Variants in MKX observed in about 807,000 individuals in gnomAD.
MKX encodes the protein mohawk homeobox, also known as homeobox protein Mohawk.
In MKX, 13 loss-of-function variants were observed where a neutral mutation model predicts 36.0. The ratio of observed to expected loss-of-function variants is 0.36; its 90% CI spans 0.24 to 0.57. MKX has a LOEUF of 0.57. Among genes scored for constraint, MKX ranks in the 20% least tolerant of loss-of-function variants. The pLI, the probability that MKX is intolerant of heterozygous loss-of-function variation, is 0.79. For missense variants in MKX, 458 were observed against 456.4 expected (o/e 1.00, Z -0.03); for synonymous variants, 176 against 178.3 (o/e 0.99, Z 0.10).
intron 5 of MKX, among the ~76,000 whole-genome samples, chr10:27,728,708 T>C (rs1486114084): frequency 6.6e-6 from 1 of 152,234 alleles, no homozygotes; most frequent in African/African-American, 2.4e-5. Context: ...CAATGGTTTA[T>C]TGAACTCATG....
chr10:27,716,386 G>C (rs1424170149), intron 5 of MKX, among the ~76,000 whole-genome samples: 2 of 141,244 alleles, frequency 1.4e-5, no homozygotes, highest in African/African-American at 5.3e-5. Flanking sequence ...TCATGCCACT[G>C]CACTTCAGCC....
At chr10:27,694,030 T>C (rs1384378828) in intron 5 of MKX, among the ~76,000 whole-genome samples, 2 of 152,308 alleles carry the variant, frequency 1.3e-5, no homozygotes, top group East Asian at 1.9e-4. Context: ...TTTTGCCTGC[T>C]GCCATGAAAA....
chr10:27,709,079 G>A (rs1836808123), intron 5 of MKX, among the ~76,000 whole-genome samples: 1 of 151,714 alleles, frequency 6.6e-6, no homozygotes, highest in Non-Finnish European at 1.5e-5. Context: ...TGAGGCAGGA[G>A]AATCACTTGA....
At chr10:27,739,379 T>G (rs1834844827) in intron 3 of MKX, among the ~76,000 whole-genome samples, 1 of 152,124 alleles carries the variant, frequency 6.6e-6, no homozygotes, top group African/African-American at 2.4e-5. Flanking sequence ...ACAGTTGTCA[T>G]TTATTATTAT....
chr10:27,715,662 CACTT>C (rs1393713556), intron 5 of MKX, among the ~76,000 whole-genome samples: 1 of 152,148 alleles, frequency 6.6e-6, no homozygotes, highest in African/African-American at 2.4e-5. Flanking sequence ...ACATGTAGGG[CACTT>C]AGTGCAGTGC....
At chr10:27,714,182 G>A (rs764825579) in intron 5 of MKX, among the ~76,000 whole-genome samples, 1 of 152,026 alleles carries the variant, frequency 6.6e-6, no homozygotes, top group Admixed American at 6.6e-5. Context: ...ATTCACAGTC[G>A]CTTCTGCTAC....
At chr10:27,676,294 A>AGG (rs149370393) in intron 5 of MKX, among the ~76,000 whole-genome samples, 3 of 115,680 alleles carry the variant, frequency 2.6e-5, no homozygotes, top group African/African-American at 9.8e-5. Flanking sequence ...AAAATAAAAA[A>AGG]GGGGGGGGTT....
chr10:27,724,791 A>ACACACACCCC lies in MKX; in HGVS notation c.838+9664_838+9665insGGGGTGTGTG, dbSNP rs775804611. The stretch of plus-strand genomic sequence containing the variant: ...CACACACACACACACACACACACAC[A>ACACACACCCC]CCCCGCAGAAACCTTTGGCCACCAG... On this transcript the variant is annotated intron_variant, in intron 5 of 6. Coordinates refer to ENST00000419761, the MANE Select transcript of MKX (RefSeq NM_173576.3). Among the ~76,000 whole-genome samples, 39 of 147,884 alleles carry ACACACACCCC rather than the reference A, an allele frequency of 2.6e-4. 1 individual carries two copies. The highest frequency in any genetic ancestry group is 9.5e-4 in the African/African-American group (38 of 39,884).
In MKX at chr10:27,675,155, G is replaced by A; in HGVS notation, c.*74C>T. On this transcript the variant is annotated 3_prime_UTR_variant, in exon 7 of 7. Transcript: ENST00000419761. ...TTGGGAGAGAGTCATTTTCATCCCT[G>A]CTTCGGCTCTTAGGATGAGGGTTGA... 1 of 1,419,416 alleles carries A rather than the reference G, an allele frequency of 7.0e-7. No individual in the cohort carries two copies. 87.9% of individuals were successfully genotyped at this position (1,419,416 alleles called of 1,614,324 possible). A position where few individuals can be genotyped will look rare whatever the true frequency, so the allele number is the denominator to read the frequency against.
intron 5 of MKX, among the ~76,000 whole-genome samples, chr10:27,684,937 C>T (rs1836316496): frequency 1.3e-5 from 2 of 152,212 alleles, no homozygotes; most frequent in South Asian, 4.1e-4. Flanking sequence ...TCTAATGCTG[C>T]TGTTAATATT....
rs762955018 is a variant in MKX at position 27,675,405 on chromosome 10, T to G, written c.883A>C (p.Arg295=). 1.1e-5 allele frequency: 17 copies of G among 1,614,202 alleles called. No individual in the cohort carries two copies. Among genetic ancestry groups the G allele is most frequent in the Non-Finnish European group, 1.4e-5 (16 of 1,180,042 alleles). ...GTGTCATCCTTGCTTGGTCCTTTTC[T>G]GTTAGCTGCGCTGGAGTTAAGCAAA... ...GSNKGESAAN[R]KGPSKDDTYW... is the part of the protein sequence containing the mutation. Residue 295 remains arginine (R), a synonymous_variant, in exon 7 of 7, where the codon AGA becomes CGA. Coordinates refer to ENST00000419761, the MANE Select transcript of MKX (RefSeq NM_173576.3).
intron 3 of MKX, among the ~76,000 whole-genome samples, chr10:27,738,503 T>C (rs1834825847): frequency 6.6e-6 from 1 of 152,078 alleles, no homozygotes; most frequent in Non-Finnish European, 1.5e-5. Context: ...AGAATTTTAA[T>C]GTCAAACTGA....
At chr10:27,705,188 T>G (rs1189425361) in intron 5 of MKX, among the ~76,000 whole-genome samples, 5 of 152,022 alleles carry the variant, frequency 3.3e-5, no homozygotes. Context: ...CTTAGTTGAG[T>G]GCAAACAGAT....
In MKX at chr10:27,743,253, G is replaced by C. The variant is rs1834954433; in HGVS notation, c.163C>G (p.Leu55Val). 1 of 1,537,266 alleles carries C rather than the reference G, an allele frequency of 6.5e-7. No homozygotes were observed. Among genetic ancestry groups the C allele is most frequent in the South Asian group, 1.3e-5 (1 of 79,718 alleles). Reference sequence around the variant, plus strand: ...CCGGTCCTCCGGTGTCTCAGGCCGAGGTTGTCCTTGAGGGGCGGGCCGTCG... The same window carrying C: ...CCGGTCCTCCGGTGTCTCAGGCCGACGTTGTCCTTGAGGGGCGGGCCGTCG... ...IPDGPPLKDN[L>V]GLRHRRTGAR... Residue 55 changes from leucine (L) to valine (V), a missense_variant, in exon 2 of 7, where the codon CTC (leucine) becomes GTC (valine). Leu to Val is a conservative substitution (Grantham distance 32, BLOSUM62 1). Transcript: ENST00000419761.
chr10:27,743,206 G>A, intron 2 of MKX, 22 bp downstream of exon 2: 1 of 1,441,446 alleles, frequency 6.9e-7, no homozygotes, highest in Non-Finnish European at 9.1e-7. Flanking sequence ...GGCGGGCAGG[G>A]CCCCCAGGGG....
chr10:27,743,656 C>G (rs977744950), intron 1 of MKX, 159 bp from the exon 2 acceptor site: 3 of 504,180 alleles, frequency 6.0e-6, no homozygotes, highest in Non-Finnish European at 1.0e-5. Context: ...CCCCAGTTGG[C>G]TACACGCCCC....
At chr10:27,691,518 G>A (rs919052641) in intron 5 of MKX, among the ~76,000 whole-genome samples, 16 of 152,050 alleles carry the variant, frequency 1.1e-4, no homozygotes, top group African/African-American at 2.2e-4. Flanking sequence ...GCCATCTTAC[G>A]CCTGTATCGA....
rs1327009953 is a variant in MKX at position 27,744,590 on chromosome 10, C to T, written c.-82-1093G>A. Among the ~76,000 whole-genome samples, 11 of 152,256 alleles carry T rather than the reference C, an allele frequency of 7.2e-5. No homozygotes were observed. Among genetic ancestry groups the T allele is most frequent in the Admixed American group, 2.0e-4 (3 of 15,308 alleles). On this transcript the variant is annotated intron_variant, in intron 1 of 6. Coordinates refer to ENST00000419761, the MANE Select transcript of MKX (RefSeq NM_173576.3). The surrounding 1 kb of genome is among the most constrained non-coding windows in gnomAD (Gnocchi z 5.6). ...GCGGACTTCGCCCGCCCCATCTCCT[C>T]GCCTCGCGCCTCGGGACAGCTCCCG...
At chr10:27,675,952 G>C (rs936585961) in intron 5 of MKX, among the ~76,000 whole-genome samples, 1 of 152,152 alleles carries the variant, frequency 6.6e-6, no homozygotes, top group African/African-American at 2.4e-5. Flanking sequence ...CACAATGTCA[G>C]GGATTCAGTT....
Sources: gnomAD v4.1 joint callset for allele counts (sites outside exome capture counted in the v4.1 genomes callset) on GRCh38, gnomAD v4.1.1 for gene constraint, Gnocchi (gnomAD v3.1) non-coding constraint, MANE v1.5 for transcripts, NCBI Gene and HGNC (gene_info 2026-07-23, HGNC 2026-07-21) for gene names.